The following ANKRD18B variants were observed in gnomAD, a reference collection of about 807,000 sequenced individuals.
ANKRD18B encodes the protein ankyrin repeat domain 18B, also known as ankyrin repeat domain-containing protein 18B.
Under a neutral mutation model 111.8 loss-of-function variants are expected in ANKRD18B, and 75 were observed. That is an observed-to-expected ratio of 0.67 (90% confidence interval 0.56 to 0.81). The LOEUF is 0.81. ANKRD18B is among the 40% of genes least tolerant of loss of function. ANKRD18B has a pLI of 0.00. For missense variants in ANKRD18B, 1,038 were observed against 1,225.5 expected (o/e 0.85, Z 2.28); for synonymous variants, 356 against 417.3 (o/e 0.85, Z 1.79).
chr9:33,562,077 G>A (rs1376255077), intron 14 of ANKRD18B, among the ~76,000 whole-genome samples: 3 of 152,020 alleles, frequency 2.0e-5, no homozygotes, highest in African/African-American at 7.3e-5. Context: ...TCAGGCTTAC[G>A]AGACACACTC....
intron 6 of ANKRD18B, among the ~76,000 whole-genome samples, chr9:33,538,504 G>A (rs10971553): frequency 0.091 from 13,843 of 152,222 alleles, 640 homozygotes; most frequent in South Asian, 0.1. Flanking sequence ...GGCAGGCCAA[G>A]GAAGGCAGAT....
chr9:33,554,562 A>G (rs4879711), intron 12 of ANKRD18B, among the ~76,000 whole-genome samples: 62,509 of 151,958 alleles, frequency 0.41, 13,683 homozygotes, highest in Non-Finnish European at 0.5. Flanking sequence ...CAGCACTTTG[A>G]GAGGCCGAGG....
Position 33,548,312 on chromosome 9 carries a change from G to C in ANKRD18B, c.1524G>C (p.Leu508Phe). 1 of 1,549,424 alleles carries C rather than the reference G, an allele frequency of 6.5e-7. No homozygotes were observed. The highest frequency in any genetic ancestry group is 8.7e-7 in the Non-Finnish European group (1 of 1,146,242). Residue 508 changes from leucine (L) to phenylalanine (F), a missense_variant, in exon 11 of 19, where the codon TTG (leucine) becomes TTC (phenylalanine). Transcript: ENST00000684830. The part of the protein sequence containing the change: ...ATAINEYNEI[L>F]ERKDLELVLW... ...CTATAAATGAGTACAATGAAATTTTGGAAAGAAAAGACCTAGAACTAGTTT... is the reference window on the plus strand; with the variant it reads ...CTATAAATGAGTACAATGAAATTTTCGAAAGAAAAGACCTAGAACTAGTTT...
At chr9:33,538,733 CA>C (rs913707184) in intron 6 of ANKRD18B, among the ~76,000 whole-genome samples, 58 of 139,220 alleles carry the variant, frequency 4.2e-4, no homozygotes, top group South Asian at 9.2e-4. Flanking sequence ...GATTCCATCT[CA>C]AAAAAAAAAA....
At chr9:33,567,942 G>T (rs1199472148) in intron 16 of ANKRD18B, among the ~76,000 whole-genome samples, 5 of 152,232 alleles carry the variant, frequency 3.3e-5, no homozygotes, top group African/African-American at 9.6e-5. Context: ...AGCCTGAAGG[G>T]CTGTGTGGAA....
downstream of ANKRD18B, chr9:33,573,355 C>T (rs1828811391): frequency 3.1e-6 from 3 of 955,494 alleles, no homozygotes; most frequent in Admixed American, 1.3e-4. Flanking sequence ...CCTGGCTCAG[C>T]CTCAAGGGTT....
At chr9:33,536,805 A>C in intron 5 of ANKRD18B, 73 bp from the exon 6 acceptor site, 1 of 993,812 alleles carries the variant, frequency 1.0e-6, no homozygotes, top group East Asian at 3.1e-5. Flanking sequence ...ATGCTTTAAG[A>C]ATTTAATCTG....
At chr9:33,533,662 T>C (rs1241043025) in intron 4 of ANKRD18B, 117 bp downstream of exon 4, 1 of 1,412,852 alleles carries the variant, frequency 7.1e-7, no homozygotes, top group African/African-American at 1.5e-5. Context: ...TATTGGCATA[T>C]AGTAAAAAAT....
In ANKRD18B at chr9:33,541,145, A is replaced by G; in HGVS notation, c.998-2A>G. The stretch of plus-strand genomic sequence containing the variant: ...TATCTAACAAGTTTGCGTGTTTGAC[A>G]GAAACAGCAGCTATGAAGCCTGAAA... On this transcript the variant is annotated splice_acceptor_variant, in intron 8 of 18. Coordinates refer to ENST00000684830, the MANE Select transcript of ANKRD18B (RefSeq NM_001393611.1). LOFTEE classifies it high-confidence loss of function. The G allele has an allele frequency of 1.3e-6, 2 of 1,540,718 alleles. No individual in the cohort carries two copies. The highest frequency in any genetic ancestry group is 2.4e-5 in the East Asian group (1 of 40,874).
At chr9:33,529,698 G>C (rs1248102251) in intron 3 of ANKRD18B, among the ~76,000 whole-genome samples, 1 of 152,156 alleles carries the variant, frequency 6.6e-6, no homozygotes, top group East Asian at 1.9e-4. Context: ...TTGTTTTTTA[G>C]TTTGTTGTTT....
intron 1 of ANKRD18B, among the ~76,000 whole-genome samples, chr9:33,527,568 C>T (rs973600125): frequency 2.0e-5 from 3 of 152,232 alleles, no homozygotes; most frequent in African/African-American, 4.8e-5. Context: ...GATCCACCCG[C>T]CTTGGCCTCC....
At chr9:33,529,819 G>T (rs1033424881) in intron 3 of ANKRD18B, among the ~76,000 whole-genome samples, 1 of 152,170 alleles carries the variant, frequency 6.6e-6, no homozygotes, top group Non-Finnish European at 1.5e-5. Context: ...AGAGGACTCT[G>T]AGGAAAACAG....
intron 3 of ANKRD18B, among the ~76,000 whole-genome samples, 170 bp downstream of exon 3, chr9:33,529,343 G>A (rs963817115): frequency 5.9e-5 from 9 of 152,070 alleles, no homozygotes; most frequent in Non-Finnish European, 1.3e-4. Context: ...AGCATTAGAG[G>A]GCACAGCTAT....
chr9:33,534,225 T>C, intron 4 of ANKRD18B, 145 bp from the exon 5 acceptor site: 1 of 1,129,346 alleles, frequency 8.9e-7, no homozygotes, highest in Non-Finnish European at 1.2e-6. Context: ...GCACCCAAGA[T>C]GCTTATACAC....
At chr9:33,527,742 C>G (rs1343388843) in intron 1 of ANKRD18B, among the ~76,000 whole-genome samples, 1 of 152,144 alleles carries the variant, frequency 6.6e-6, no homozygotes, top group Admixed American at 6.5e-5. Context: ...AGTTAGATGC[C>G]TAGAACGGCC....
intron 1 of ANKRD18B, among the ~76,000 whole-genome samples, chr9:33,528,453 G>A (rs1828058426): frequency 1.3e-5 from 2 of 152,224 alleles, no homozygotes; most frequent in Non-Finnish European, 2.9e-5. Context: ...GGCACAGAAA[G>A]GCTAAGCAAT....
chr9:33,528,724 T>C lies in ANKRD18B; in HGVS notation c.207-3T>C. ...TTCCTGAAAACCCCTCTCGCTCTCCTAGGACTGTTCTACATTTGGCCTGTG... is the reference window on the plus strand; with the variant it reads ...TTCCTGAAAACCCCTCTCGCTCTCCCAGGACTGTTCTACATTTGGCCTGTG... On this transcript the variant is annotated splice_polypyrimidine_tract_variant and splice_region_variant and intron_variant, in intron 1 of 18. Coordinates refer to ENST00000684830, the MANE Select transcript of ANKRD18B (RefSeq NM_001393611.1). 6.2e-7 allele frequency: 1 copy of C among 1,607,024 alleles called. No individual in the cohort carries two copies. Among genetic ancestry groups the C allele is most frequent in the Middle Eastern group, 1.7e-4 (1 of 6,050 alleles).
chr9:33,533,767 T>C (rs1828150733), intron 4 of ANKRD18B: 3 of 929,904 alleles, frequency 3.2e-6, no homozygotes, highest in Middle Eastern at 4.1e-4. Flanking sequence ...GACTGTTATT[T>C]GTAATTTGAT....
intron 12 of ANKRD18B, among the ~76,000 whole-genome samples, chr9:33,553,273 T>A (rs1587270026): frequency 6.6e-6 from 1 of 151,054 alleles, no homozygotes; most frequent in South Asian, 2.1e-4. Flanking sequence ...GAGGCTGTGG[T>A]AGGAGGGTCG....
Sources: allele counts gnomAD v4.1 joint callset (sites outside exome capture counted in the v4.1 genomes callset), GRCh38; gene constraint gnomAD v4.1.1; transcripts MANE v1.5; gene names NCBI Gene and HGNC (gene_info 2026-07-23, HGNC 2026-07-21).